Variants in ARHGEF10L observed in about 807,000 individuals in gnomAD.
ARHGEF10L encodes Rho guanine nucleotide exchange factor 10 like, also known as rho guanine nucleotide exchange factor 10-like protein.
ARHGEF10L carries 69 observed loss-of-function variants against 141.2 expected under a neutral mutation model. That is an observed-to-expected ratio of 0.49 (90% CI 0.40 to 0.60). The LOEUF is 0.60. Ranked by LOEUF, ARHGEF10L falls within the 20% of genes least tolerant of loss-of-function variation. The pLI is 0.00. For missense variants in ARHGEF10L, 1,482 were observed against 1,734.3 expected (o/e 0.85, Z 2.58); for synonymous variants, 711 against 718.5 (o/e 0.99, Z 0.17).
intron 1 of ARHGEF10L, among the ~76,000 whole-genome samples, chr1:17,571,430 G>A (rs1475890081): frequency 6.6e-6 from 1 of 152,164 alleles, no homozygotes; most frequent in Non-Finnish European, 1.5e-5. Flanking sequence ...GACGGAGCAT[G>A]GGCACTCCTC....
intron 1 of ARHGEF10L, among the ~76,000 whole-genome samples, chr1:17,544,897 C>T (rs909520976): frequency 6.6e-6 from 1 of 152,086 alleles, no homozygotes; most frequent in Non-Finnish European, 1.5e-5. Context: ...GCGAGAGAGC[C>T]TGTGTAAGGG....
chr1:17,643,910 G>A (rs565785951), intron 21 of ARHGEF10L, among the ~76,000 whole-genome samples: 6 of 152,192 alleles, frequency 3.9e-5, no homozygotes, highest in Admixed American at 2.0e-4. Flanking sequence ...GCTCTTGTTG[G>A]TAAAAGCTCC....
At chr1:17,689,713 A>G in intron 27 of ARHGEF10L, 1 of 452,062 alleles carries the variant, frequency 2.2e-6, no homozygotes, top group South Asian at 1.6e-5. Context: ...GTATCACAAA[A>G]CTATCTCCAC....
intron 25 of ARHGEF10L, among the ~76,000 whole-genome samples, chr1:17,658,545 T>A (rs1571324200): frequency 6.6e-6 from 1 of 152,040 alleles, no homozygotes; most frequent in Non-Finnish European, 1.5e-5. Context: ...CTTGTCCAGG[T>A]AGAGTGGAGG....
intron 2 of ARHGEF10L, among the ~76,000 whole-genome samples, chr1:17,583,410 G>C (rs935554865): frequency 1.3e-5 from 2 of 152,014 alleles, no homozygotes; most frequent in Non-Finnish European, 2.9e-5. Context: ...ATGATGTAAC[G>C]ATGGTGATAA....
At chr1:17,586,052 G>C (rs918633874) in intron 2 of ARHGEF10L, among the ~76,000 whole-genome samples, 4 of 152,144 alleles carry the variant, frequency 2.6e-5, no homozygotes, top group Admixed American at 2.6e-4. Flanking sequence ...ACAGCTGGAG[G>C]GTCCCCTGGG....
At chr1:17,624,352 G>A in intron 12 of ARHGEF10L, 35 bp from the exon 13 acceptor site, 2 of 1,548,470 alleles carry the variant, frequency 1.3e-6, no homozygotes, top group Non-Finnish European at 1.8e-6. Context: ...CCTGCATTGA[G>A]GCGGTCTCCC....
chr1:17,635,349 C>T (rs531968028), intron 18 of ARHGEF10L, among the ~76,000 whole-genome samples: 1 of 152,318 alleles, frequency 6.6e-6, no homozygotes, highest in South Asian at 2.1e-4. Context: ...CATCCTCTGC[C>T]CATCCCCAGG....
At chr1:17,560,083 G>A (rs2077486785) in intron 1 of ARHGEF10L, among the ~76,000 whole-genome samples, 1 of 152,162 alleles carries the variant, frequency 6.6e-6, no homozygotes. Context: ...GGCTCCGAGT[G>A]TCCCCCTCTT....
chr1:17,519,322 G>A, the ARHGEF10L span, among the ~76,000 whole-genome samples: 1 of 151,272 alleles, frequency 6.6e-6, no homozygotes, highest in African/African-American at 2.4e-5. Flanking sequence ...TTAAGAAGGA[G>A]GAAACTGGAT....
At chr1:17,676,877 G>A (rs1345815955) in intron 26 of ARHGEF10L, among the ~76,000 whole-genome samples, 2 of 151,770 alleles carry the variant, frequency 1.3e-5, no homozygotes, top group African/African-American at 2.4e-5. Flanking sequence ...CAGAATCTTC[G>A]TGGTCACTCT....
At chr1:17,687,273 G>A (rs1030314284) in intron 26 of ARHGEF10L, among the ~76,000 whole-genome samples, 12 of 152,264 alleles carry the variant, frequency 7.9e-5, no homozygotes, top group Admixed American at 2.0e-4. Context: ...CTCCTCACTC[G>A]GTGATATCAT....
Position 17,627,991 on chromosome 1 carries a change from A to T in ARHGEF10L, c.1584+488A>T, listed in dbSNP as rs12059707. 6.6e-6 allele frequency among the ~76,000 whole-genome samples: 1 copy of T among 151,838 alleles called. No homozygotes were observed. The highest frequency in any genetic ancestry group is 1.5e-5 in the Non-Finnish European group (1 of 67,974). On this transcript the variant is annotated intron_variant, in intron 15 of 28. Coordinates refer to ENST00000361221, the MANE Select transcript of ARHGEF10L (RefSeq NM_018125.4). The surrounding 1 kb of genome is among the most constrained non-coding windows in gnomAD (Gnocchi z 4.0). ...CCTTAACACAAGAAGAAAGATGAAA[A>T]GTCCATGCCATGTTTTGGGGTTGCC...
chr1:17,555,197 A>T (rs894843468), intron 1 of ARHGEF10L, among the ~76,000 whole-genome samples: 3 of 152,046 alleles, frequency 2.0e-5, no homozygotes, highest in African/African-American at 7.2e-5. Flanking sequence ...GAGTATTGTT[A>T]TTCTCCAGCA....
chr1:17,594,882 C>T (rs771229259), intron 4 of ARHGEF10L, among the ~76,000 whole-genome samples: 3 of 152,096 alleles, frequency 2.0e-5, no homozygotes, highest in Admixed American at 6.5e-5. Flanking sequence ...GGTGCTTACT[C>T]GGTGAGCTGC....
At chr1:17,596,573 C>T (rs1348141158) in intron 4 of ARHGEF10L, among the ~76,000 whole-genome samples, 1 of 152,216 alleles carries the variant, frequency 6.6e-6, no homozygotes. Flanking sequence ...GCGTGTGGAC[C>T]ATGCTGGCCA....
intron 1 of ARHGEF10L, among the ~76,000 whole-genome samples, chr1:17,542,748 C>T (rs1376950966): frequency 6.6e-6 from 1 of 152,170 alleles, no homozygotes. Flanking sequence ...GAGATGGGTT[C>T]ATATCCATCT....
chr1:17,534,869 G>A (rs943164800), upstream of ARHGEF10L, among the ~76,000 whole-genome samples: 1 of 152,068 alleles, frequency 6.6e-6, no homozygotes, highest in African/African-American at 2.4e-5. Flanking sequence ...GATTACAGGT[G>A]TGAGCCACCA....
chr1:17,633,185 A>G (rs970203978), intron 16 of ARHGEF10L, among the ~76,000 whole-genome samples: 2 of 152,170 alleles, frequency 1.3e-5, no homozygotes, highest in African/African-American at 4.8e-5. Flanking sequence ...GGGCCCTGCC[A>G]TTCTCCAGCC....
Sources: allele counts gnomAD v4.1 joint callset (sites outside exome capture counted in the v4.1 genomes callset), GRCh38; gene constraint gnomAD v4.1.1; non-coding constraint Gnocchi (gnomAD v3.1); transcripts MANE v1.5; gene names NCBI Gene and HGNC (gene_info 2026-07-23, HGNC 2026-07-21).